Variants in TNNI3K observed in about 807,000 individuals in gnomAD.
TNNI3K encodes serine/threonine-protein kinase TNNI3K.
In TNNI3K, 140 loss-of-function variants were observed where a neutral mutation model predicts 114.5. The ratio of observed to expected loss-of-function variants is 1.22; its 90% CI spans 1.07 to 1.41. The LOEUF is 1.41. TNNI3K is among the 40% of genes most tolerant of loss of function. The pLI, the probability that TNNI3K is intolerant of heterozygous loss-of-function variation, is 0.00. For synonymous variants in TNNI3K, 347 were observed against 347.5 expected (o/e 1.00, Z 0.02); for missense variants, 1,125 against 1,007.6 (o/e 1.12, Z -1.58).
chr1:74,493,392 A>G (rs1047854816), intron 23 of TNNI3K, among the ~76,000 whole-genome samples: 3 of 152,236 alleles, frequency 2.0e-5, no homozygotes, highest in Non-Finnish European at 4.4e-5. Context: ...AGAAGCAAAA[A>G]CAAAAAGATT....
chr1:74,250,735 A>G lies in TNNI3K; in HGVS notation c.299A>G (p.Asn100Ser), dbSNP rs1654878766. Residue 100 changes from asparagine to serine, a missense_variant, in exon 4 of 25, where the codon AAT becomes AGT. Physicochemically the swap from Asn to Ser is conservative, Grantham distance 46 (BLOSUM62 1). Coordinates refer to ENST00000326637, the MANE Select transcript of TNNI3K (RefSeq NM_015978.3). Reference protein sequence around the residue: ...KGLRPSRLTRNGFTALHLAVY... With the variant: ...KGLRPSRLTRSGFTALHLAVY... Reference sequence around the variant, plus strand: ...CTCCGCCCATCTCGACTGACAAGAAATGGATTTACAGCCTTGCATTTAGCA... The same window carrying G: ...CTCCGCCCATCTCGACTGACAAGAAGTGGATTTACAGCCTTGCATTTAGCA... 1 of 1,613,140 alleles carries G rather than the reference A, an allele frequency of 6.2e-7. No homozygotes were observed.
intron 17 of TNNI3K, among the ~76,000 whole-genome samples, chr1:74,417,534 T>G (rs1006700134): frequency 7.9e-5 from 12 of 152,114 alleles, no homozygotes; most frequent in Non-Finnish European, 1.6e-4. Flanking sequence ...TCAGCCTTCT[T>G]CTGCTGCCCC....
intron 5 of TNNI3K, among the ~76,000 whole-genome samples, chr1:74,288,041 T>C (rs2100276489): frequency 6.6e-6 from 1 of 152,164 alleles, no homozygotes; most frequent in Admixed American, 6.5e-5. Context: ...CAATGAGATA[T>C]TACCCCATAC....
At position 74,342,845 on chromosome 1, in the gene TNNI3K, A is replaced by T; in HGVS notation, c.686A>T (p.Asn229Ile). 6.2e-7 allele frequency: 1 copy of T among 1,613,660 alleles called. No individual in the cohort carries two copies. Among genetic ancestry groups the T allele is most frequent in the Non-Finnish European group, 8.5e-7 (1 of 1,179,814 alleles). ...LMEEGSKADV[N>I]AQDNEDHVPL... ...TTTTCTTTCTTGCTGATAACAGTGA[A>T]TGCTCAAGATAATGAAGACCATGTC... Residue 229 changes from asparagine (N) to isoleucine (I), a missense_variant, in exon 8 of 25, where the codon AAT (asparagine) becomes ATT (isoleucine). Physicochemically the swap from Asn to Ile is moderately radical, Grantham distance 149. Coordinates refer to ENST00000326637, the MANE Select transcript of TNNI3K (RefSeq NM_015978.3).
At chr1:74,399,605 G>A (rs924978553) in intron 17 of TNNI3K, among the ~76,000 whole-genome samples, 1 of 152,142 alleles carries the variant, frequency 6.6e-6, no homozygotes, top group Non-Finnish European at 1.5e-5. Context: ...CATTACACTC[G>A]AGTCAAGAGA....
intron 23 of TNNI3K, among the ~76,000 whole-genome samples, chr1:74,508,894 T>C (rs1378294785): frequency 6.6e-6 from 1 of 152,182 alleles, no homozygotes; most frequent in African/African-American, 2.4e-5. Flanking sequence ...TGTCTGGTTT[T>C]TACAGGGTCT....
chr1:74,285,433 T>G (rs2100267354), intron 5 of TNNI3K, among the ~76,000 whole-genome samples: 1 of 152,312 alleles, frequency 6.6e-6, no homozygotes, highest in South Asian at 2.1e-4. Context: ...GGTTCACCTT[T>G]TCTACCCATC....
chr1:74,243,260 CAA>C (rs1340291147), intron 2 of TNNI3K, among the ~76,000 whole-genome samples: 1 of 152,088 alleles, frequency 6.6e-6, no homozygotes, highest in African/African-American at 2.4e-5. Context: ...AGATATCAAA[CAA>C]ATATATTTCT....
intron 20 of TNNI3K, among the ~76,000 whole-genome samples, chr1:74,455,909 A>G (rs1667206021): frequency 6.6e-6 from 1 of 152,238 alleles, no homozygotes; most frequent in South Asian, 2.1e-4. Context: ...TAGAAATAAC[A>G]GTTTACCAGC....
chr1:74,246,506 C>T (rs1455215687), intron 2 of TNNI3K, among the ~76,000 whole-genome samples: 4 of 152,180 alleles, frequency 2.6e-5, no homozygotes, highest in African/African-American at 9.7e-5. Context: ...AATGATTCAG[C>T]TCTGAGCTGC....
chr1:74,322,321 A>G (rs547752832), intron 5 of TNNI3K, among the ~76,000 whole-genome samples: 3 of 152,314 alleles, frequency 2.0e-5, no homozygotes, highest in African/African-American at 7.2e-5. Context: ...CTACTTTGTA[A>G]GTTCATGAAG....
At chr1:74,429,484 T>C (rs1209210435) in intron 17 of TNNI3K, among the ~76,000 whole-genome samples, 3 of 152,062 alleles carry the variant, frequency 2.0e-5, no homozygotes, top group African/African-American at 4.8e-5. Context: ...AGGTATCCCA[T>C]TGAGTTTGGC....
chr1:74,451,693 T>TTTCTA (rs1667018753), intron 20 of TNNI3K, among the ~76,000 whole-genome samples: 43 of 69,592 alleles, frequency 6.2e-4, no homozygotes, highest in African/African-American at 2.8e-3. Flanking sequence ...TTTTCTTTCT[T>TTTCTA]TCTTTCTTTC....
At chr1:74,501,155 A>T (rs1206983342) in intron 23 of TNNI3K, among the ~76,000 whole-genome samples, 1 of 152,164 alleles carries the variant, frequency 6.6e-6, no homozygotes, top group Non-Finnish European at 1.5e-5. Context: ...CTTTTTAAAA[A>T]ATATTTCCCA....
chr1:74,431,997 A>G (rs1389205207), intron 17 of TNNI3K, among the ~76,000 whole-genome samples: 1 of 152,154 alleles, frequency 6.6e-6, no homozygotes, highest in African/African-American at 2.4e-5. Flanking sequence ...GCTGTTATCT[A>G]AAAAGCATTC....
At chr1:74,506,376 TA>T (rs1196172603) in intron 23 of TNNI3K, among the ~76,000 whole-genome samples, 1 of 152,216 alleles carries the variant, frequency 6.6e-6, no homozygotes, top group Non-Finnish European at 1.5e-5. Flanking sequence ...CAAGGCTTTG[TA>T]ACTAGTAAAC....
At chr1:74,270,202 A>G (rs1656255860) in intron 4 of TNNI3K, among the ~76,000 whole-genome samples, 1 of 151,806 alleles carries the variant, frequency 6.6e-6, no homozygotes, top group South Asian at 2.1e-4. Flanking sequence ...AATTCAATGT[A>G]GAATAAGTAT....
intron 2 of TNNI3K, among the ~76,000 whole-genome samples, chr1:74,249,184 A>T (rs1208003472): frequency 6.6e-6 from 1 of 151,348 alleles, no homozygotes; most frequent in Non-Finnish European, 1.5e-5. Context: ...TAAATTCGCT[A>T]TTGTGACATC....
chr1:74,276,510 G>T (rs1165918136), intron 5 of TNNI3K, among the ~76,000 whole-genome samples: 1 of 152,106 alleles, frequency 6.6e-6, no homozygotes, highest in Non-Finnish European at 1.5e-5. Context: ...GTGCAGAAAA[G>T]TAGAGCACAT....
Sources: gnomAD v4.1 joint callset for allele counts (sites outside exome capture counted in the v4.1 genomes callset) on GRCh38, gnomAD v4.1.1 for gene constraint, MANE v1.5 for transcripts, NCBI Gene and HGNC (gene_info 2026-07-23, HGNC 2026-07-21) for gene names.